The following SLC4A4 variants were observed in gnomAD, a reference collection of about 807,000 sequenced individuals.
SLC4A4 encodes the protein solute carrier family 4 member 4, also known as electrogenic sodium bicarbonate cotransporter 1.
SLC4A4 carries 27 observed loss-of-function variants against 111.5 expected under a neutral mutation model. The ratio of observed to expected loss-of-function variants is 0.24; its 90% CI spans 0.18 to 0.33. The LOEUF is 0.33. Ranked by LOEUF, SLC4A4 falls within the 10% of genes least tolerant of loss-of-function variation. SLC4A4 has a pLI of 1.00. For missense variants in SLC4A4, 909 were observed against 1,315.5 expected (o/e 0.69, Z 4.78); for synonymous variants, 443 against 463.4 (o/e 0.96, Z 0.57).
chr4:71,415,357 A>G (rs1390477325), intron 7 of SLC4A4, among the ~76,000 whole-genome samples: 1 of 152,040 alleles, frequency 6.6e-6, no homozygotes, highest in East Asian at 1.9e-4. Flanking sequence ...CCTTTTTTCT[A>G]GGATTATATT....
At chr4:71,292,341 G>C (rs529378204) in intron 3 of SLC4A4, among the ~76,000 whole-genome samples, 19 of 152,254 alleles carry the variant, frequency 1.2e-4, no homozygotes, top group African/African-American at 4.3e-4. Flanking sequence ...TCAGATGGTA[G>C]TTTCCCAGTT....
intron 13 of SLC4A4, among the ~76,000 whole-genome samples, chr4:71,471,590 C>T (rs1727874988): frequency 2.0e-5 from 3 of 151,884 alleles, no homozygotes; most frequent in Admixed American, 6.6e-5. Context: ...CAATCCTTGA[C>T]TTATTTCTTA....
intron 1 of SLC4A4, among the ~76,000 whole-genome samples, chr4:71,087,975 T>C (rs1322749446): frequency 1.3e-5 from 2 of 151,974 alleles, no homozygotes; most frequent in Admixed American, 6.5e-5. Flanking sequence ...ACTTTCTGTC[T>C]CATTCATCTG....
chr4:71,226,068 T>C (rs1005374717), intron 1 of SLC4A4, among the ~76,000 whole-genome samples: 1 of 152,232 alleles, frequency 6.6e-6, no homozygotes, highest in Non-Finnish European at 1.5e-5. Context: ...CAGAGTTTTA[T>C]TTGTCCAGTT....
At chr4:71,177,303 G>A (rs1416209450) in intron 2 of SLC4A4, among the ~76,000 whole-genome samples, 12 of 152,102 alleles carry the variant, frequency 7.9e-5, no homozygotes, top group Admixed American at 5.2e-4. Flanking sequence ...ACATCATAAT[G>A]ACAGGATCAA....
chr4:71,508,157 T>C (rs1434870366), intron 16 of SLC4A4, among the ~76,000 whole-genome samples: 1 of 151,958 alleles, frequency 6.6e-6, no homozygotes, highest in African/African-American at 2.4e-5. Flanking sequence ...GTTAACAAGC[T>C]AACATCACAG....
intron 3 of SLC4A4, among the ~76,000 whole-genome samples, chr4:71,320,043 C>T (rs1726998056): frequency 2.0e-5 from 3 of 151,912 alleles, no homozygotes. Context: ...TCAGCTGCTG[C>T]AAACACTTCA....
At chr4:71,528,800 A>C (rs550956095) in intron 16 of SLC4A4, among the ~76,000 whole-genome samples, 60 of 152,180 alleles carry the variant, frequency 3.9e-4, no homozygotes, top group Middle Eastern at 3.4e-3. Context: ...AATGAAATAG[A>C]ATAAAAGTGG....
chr4:71,146,881 C>G (rs1306626514), intron 2 of SLC4A4, among the ~76,000 whole-genome samples: 2 of 152,094 alleles, frequency 1.3e-5, no homozygotes, highest in African/African-American at 2.4e-5. Flanking sequence ...CAAATTCACA[C>G]ATAACAATAC....
chr4:71,507,894 G>A (rs1434698552), intron 16 of SLC4A4, among the ~76,000 whole-genome samples: 2 of 152,008 alleles, frequency 1.3e-5, no homozygotes, highest in African/African-American at 2.4e-5. Context: ...ACAGTCCCTC[G>A]GACCACAGTG....
intron 3 of SLC4A4, among the ~76,000 whole-genome samples, chr4:71,305,923 A>T (rs1364779386): frequency 6.6e-6 from 1 of 152,238 alleles, no homozygotes; most frequent in Non-Finnish European, 1.5e-5. Context: ...CAATTGAAGA[A>T]GCAATGAAGA....
chr4:71,455,525 C>T (rs935314987), intron 12 of SLC4A4, among the ~76,000 whole-genome samples: 1 of 152,100 alleles, frequency 6.6e-6, no homozygotes, highest in Non-Finnish European at 1.5e-5. Context: ...ACTGGGGAAA[C>T]ACCCTACGGC....
At chr4:71,438,143 T>G (rs1400768164) in intron 7 of SLC4A4, among the ~76,000 whole-genome samples, 1 of 152,216 alleles carries the variant, frequency 6.6e-6, no homozygotes, top group Admixed American at 6.5e-5. Context: ...ATTAAGACGG[T>G]TCCGAAAAAA....
At chr4:71,527,842 T>A (rs1413224163) in intron 16 of SLC4A4, among the ~76,000 whole-genome samples, 4 of 152,044 alleles carry the variant, frequency 2.6e-5, no homozygotes, top group African/African-American at 9.7e-5. Flanking sequence ...AAATATAAAT[T>A]TTTTGTTCTT....
intron 1 of SLC4A4, among the ~76,000 whole-genome samples, chr4:71,232,786 G>A (rs1719524759): frequency 6.6e-6 from 1 of 152,072 alleles, no homozygotes; most frequent in African/African-American, 2.4e-5. Flanking sequence ...TTTTAGTTAG[G>A]AAATTTGAAA....
intron 4 of SLC4A4, among the ~76,000 whole-genome samples, chr4:71,346,358 T>A (rs1202854045): frequency 6.6e-6 from 1 of 152,160 alleles, no homozygotes; most frequent in Non-Finnish European, 1.5e-5. Flanking sequence ...ACATGTCAAG[T>A]ACTGAAGCAA....
At chr4:71,376,154 T>TAC (rs1280052167) in intron 6 of SLC4A4, among the ~76,000 whole-genome samples, 1,071 of 55,032 alleles carry the variant, frequency 0.019, 6 homozygotes, top group South Asian at 0.074. Flanking sequence ...TACCTGTATA[T>TAC]ATACACACAC....
chr4:71,116,940 T>G (rs900037549), intron 2 of SLC4A4, among the ~76,000 whole-genome samples: 2 of 141,646 alleles, frequency 1.4e-5, no homozygotes, highest in Middle Eastern at 3.3e-3. Flanking sequence ...CGAAACTCCA[T>G]CTCAAAAAAA....
At chr4:71,503,935 T>C (rs1330432638) in intron 16 of SLC4A4, among the ~76,000 whole-genome samples, 2 of 152,208 alleles carry the variant, frequency 1.3e-5, no homozygotes, top group African/African-American at 4.8e-5. Context: ...GATGTGGTAT[T>C]GGCTAACAGT....
Sources: allele counts gnomAD v4.1 joint callset (sites outside exome capture counted in the v4.1 genomes callset), GRCh38; gene constraint gnomAD v4.1.1; transcripts MANE v1.5; gene names NCBI Gene and HGNC (gene_info 2026-07-23, HGNC 2026-07-21).